The following GMDS variants were observed in gnomAD, a reference collection of about 807,000 sequenced individuals.
GMDS encodes the protein GDP-mannose 4,6-dehydratase.
In GMDS, 20 loss-of-function variants were observed where a neutral mutation model predicts 49.9. The ratio of observed to expected loss-of-function variants is 0.40; its 90% CI spans 0.28 to 0.58. The LOEUF (loss-of-function observed/expected upper bound fraction) is 0.58. Among genes scored for constraint, GMDS ranks in the 20% least tolerant of loss-of-function variants. GMDS has a pLI of 0.42. For missense variants in GMDS, 362 were observed against 481.4 expected (o/e 0.75, Z 2.32); for synonymous variants, 177 against 178.6 (o/e 0.99, Z 0.07).
At chr6:1,698,640 A>C (rs768490701) in intron 9 of GMDS, among the ~76,000 whole-genome samples, 1 of 152,116 alleles carries the variant, frequency 6.6e-6, no homozygotes, top group Non-Finnish European at 1.5e-5. Context: ...ATTGAGGTGG[A>C]GACGCTTCTC....
intron 4 of GMDS, among the ~76,000 whole-genome samples, chr6:2,098,803 T>C (rs1773758588): frequency 6.6e-6 from 1 of 152,142 alleles, no homozygotes. Flanking sequence ...ATTGAATCTA[T>C]GCTAGCTATA....
At chr6:1,791,806 C>T (rs1379291561) in intron 7 of GMDS, among the ~76,000 whole-genome samples, 1 of 152,068 alleles carries the variant, frequency 6.6e-6, no homozygotes, top group East Asian at 1.9e-4. Flanking sequence ...AGCCAAATGA[C>T]ACATTTTTTA....
chr6:2,000,587 T>C (rs1397792119), intron 4 of GMDS, among the ~76,000 whole-genome samples: 7 of 152,222 alleles, frequency 4.6e-5, no homozygotes, highest in Admixed American at 6.5e-5. Context: ...TTCATCTATA[T>C]TGGAGCATGT....
In GMDS at chr6:1,797,069, G is replaced by A. The variant is rs555226592; in HGVS notation, c.772-54483C>T. The stretch of plus-strand genomic sequence containing the variant: ...TATATGGCCTGTTAGGAACTGGGCC[G>A]CAAAGCAGGAGGTGAGCAGCCTGCA... On this transcript the variant is annotated intron_variant, in intron 7 of 10. Coordinates refer to ENST00000380815, the MANE Select transcript of GMDS (RefSeq NM_001500.4). 3.9e-5 allele frequency among the ~76,000 whole-genome samples: 6 copies of A among 152,286 alleles called. No homozygotes were observed. The East Asian group carries it at 7.7e-4, about 20-fold the overall frequency.
chr6:1,837,763 C>G (rs557524893), intron 7 of GMDS, among the ~76,000 whole-genome samples: 1 of 152,214 alleles, frequency 6.6e-6, no homozygotes, highest in Admixed American at 6.5e-5. Flanking sequence ...AGTTCCTTCC[C>G]CAGTGAGTGG....
intron 4 of GMDS, among the ~76,000 whole-genome samples, chr6:2,112,298 G>A (rs985841220): frequency 6.6e-6 from 1 of 152,082 alleles, no homozygotes; most frequent in Non-Finnish European, 1.5e-5. Flanking sequence ...AGCTCATTAA[G>A]TCATTAACTA....
At chr6:1,792,147 A>G (rs226452) in intron 7 of GMDS, among the ~76,000 whole-genome samples, 60,390 of 151,942 alleles carry the variant, frequency 0.4, 12,110 homozygotes, top group Middle Eastern at 0.42. Context: ...ATTAGTTTCT[A>G]TATAAATATT....
At chr6:2,066,556 T>C (rs547572112) in intron 4 of GMDS, among the ~76,000 whole-genome samples, 33 of 151,470 alleles carry the variant, frequency 2.2e-4, no homozygotes, top group African/African-American at 8.0e-4. Flanking sequence ...AGGCTCAAAA[T>C]AAAAGGATGA....
chr6:2,163,772 G>A (rs1022409671), intron 1 of GMDS, among the ~76,000 whole-genome samples: 27 of 152,178 alleles, frequency 1.8e-4, no homozygotes, highest in Admixed American at 1.2e-3. Flanking sequence ...CAGGCTGAGC[G>A]CTGCCACTTG....
intron 7 of GMDS, among the ~76,000 whole-genome samples, chr6:1,907,323 C>G (rs1445847302): frequency 6.6e-6 from 1 of 152,160 alleles, no homozygotes; most frequent in Non-Finnish European, 1.5e-5. Context: ...CCCACGGTCC[C>G]ATGTACTGAT....
At chr6:1,776,670 A>T (rs1768847919) in intron 7 of GMDS, among the ~76,000 whole-genome samples, 1 of 152,088 alleles carries the variant, frequency 6.6e-6, no homozygotes, top group Non-Finnish European at 1.5e-5. Flanking sequence ...ACATAACAAG[A>T]CCTTGTCCCT....
intron 4 of GMDS, among the ~76,000 whole-genome samples, chr6:1,989,469 T>C (rs551374323): frequency 1.3e-5 from 2 of 152,346 alleles, no homozygotes; most frequent in South Asian, 4.1e-4. Context: ...AAGAAAGGCT[T>C]TGTGTTCACA....
intron 9 of GMDS, among the ~76,000 whole-genome samples, chr6:1,653,625 A>G (rs761125413): frequency 2.6e-5 from 4 of 152,250 alleles, no homozygotes; most frequent in Non-Finnish European, 4.4e-5. Context: ...AGGATGGAAC[A>G]GAAAACCCAG....
chr6:2,179,072 C>A (rs997776106), intron 1 of GMDS, among the ~76,000 whole-genome samples: 1 of 152,118 alleles, frequency 6.6e-6, no homozygotes, highest in Non-Finnish European at 1.5e-5. Flanking sequence ...ATGAAATCCA[C>A]GGGATGAGAA....
At chr6:1,827,319 A>G (rs962129186) in intron 7 of GMDS, among the ~76,000 whole-genome samples, 6 of 151,714 alleles carry the variant, frequency 4.0e-5, no homozygotes, top group African/African-American at 1.5e-4. Context: ...CTGTATATAC[A>G]CACGTTTTAG....
intron 8 of GMDS, among the ~76,000 whole-genome samples, chr6:1,728,876 C>T (rs1342550544): frequency 1.3e-5 from 2 of 151,756 alleles, no homozygotes; most frequent in Non-Finnish European, 2.9e-5. Flanking sequence ...ATTTTTTCTT[C>T]CTTATTATTT....
At chr6:1,642,153 CTTTTTT>C (rs543577735) in intron 9 of GMDS, among the ~76,000 whole-genome samples, 2 of 110,762 alleles carry the variant, frequency 1.8e-5, no homozygotes, top group Non-Finnish European at 3.5e-5. Context: ...CAGTTTCCAT[CTTTTTT>C]TTTTTTTTTT....
chr6:1,949,119 CA>C (rs1193580850), intron 6 of GMDS: 1 of 511,632 alleles, frequency 2.0e-6, no homozygotes, highest in Admixed American at 6.4e-5. Flanking sequence ...AATACAGGAA[CA>C]GGGAAGAAAA....
At chr6:1,817,276 T>C (rs1007287794) in intron 7 of GMDS, among the ~76,000 whole-genome samples, 6 of 152,042 alleles carry the variant, frequency 3.9e-5, no homozygotes, top group Admixed American at 3.9e-4. Flanking sequence ...TGAACCAAAA[T>C]AGACTTCCTT....
Sources: allele counts gnomAD v4.1 joint callset (sites outside exome capture counted in the v4.1 genomes callset), GRCh38; gene constraint gnomAD v4.1.1; transcripts MANE v1.5; gene names NCBI Gene and HGNC (gene_info 2026-07-23, HGNC 2026-07-21).